Variants in PSMB3 observed in about 807,000 individuals in gnomAD.
The protein encoded by PSMB3 is proteasome 20S subunit beta 3.
Under a neutral mutation model 23.3 loss-of-function variants are expected in PSMB3, and 5 were observed. That is an observed-to-expected ratio of 0.21 (90% confidence interval 0.11 to 0.45). The LOEUF (loss-of-function observed/expected upper bound fraction) is 0.45, where lower values mean the gene tolerates loss of function less well. PSMB3 is among the 20% of genes least tolerant of loss of function. The probability of loss-of-function intolerance (pLI) is 0.99; values close to 1 mark genes in which losing one functional copy is unlikely to be tolerated. For synonymous variants in PSMB3, 85 were observed against 99.8 expected, an observed-to-expected ratio of 0.85 and a Z score of 0.88; for missense variants, 192 against 277.9, an observed-to-expected ratio of 0.69 and a Z score of 2.20.
intron 3 of PSMB3, among the ~76,000 whole-genome samples, chr17:38,758,118 T>C (rs1283460476): frequency 6.6e-6 from 1 of 152,232 alleles, no homozygotes; most frequent in East Asian, 1.9e-4. Context: ...GGTGCGTAGA[T>C]GGTATCTCTG....
rs1436720192 is a variant in PSMB3 at position 38,764,022 on chromosome 17, C to CAGGGCTTG, written c.570-88_570-81dup. 12 of 1,449,566 alleles carry CAGGGCTTG rather than the reference C, an allele frequency of 8.3e-6. 1 individual carries two copies. The Admixed American group carries it at 1.1e-4, about 13-fold the overall frequency. The allele number at this position is 1,449,566 out of a possible 1,614,324, so 89.8% of individuals were successfully genotyped here. On this transcript the variant is annotated intron_variant, in intron 5 of 5. Coordinates refer to ENST00000619426, the MANE Select transcript of PSMB3 (RefSeq NM_002795.4). ...AGCTATTTGTTCTGCTCCCTTGCCG[C>CAGGGCTTG]AGGGCTTGAGGGCTTGGTGCTGAGG...
Position 38,764,112 on chromosome 17 carries a change from T to G in PSMB3, c.570-7T>G, listed in dbSNP as rs1229935036. 6.2e-7 allele frequency: 1 copy of G among 1,614,168 alleles called. No homozygotes were observed. The highest frequency in any genetic ancestry group is 8.5e-7 in the Non-Finnish European group (1 of 1,180,010). ...AGATGTTTTCTTGTGATTTTCTCCCTCTGCAGCGAGAAGGACAAAATCACC... is the reference window on the plus strand; with the variant it reads ...AGATGTTTTCTTGTGATTTTCTCCCGCTGCAGCGAGAAGGACAAAATCACC... On this transcript the variant is annotated splice_polypyrimidine_tract_variant and splice_region_variant and intron_variant, in intron 5 of 5. Coordinates refer to ENST00000619426, the MANE Select transcript of PSMB3 (RefSeq NM_002795.4).
At chr17:38,763,006 C>T (rs1908506261) in intron 5 of PSMB3, among the ~76,000 whole-genome samples, 1 of 152,188 alleles carries the variant, frequency 6.6e-6, no homozygotes, top group Non-Finnish European at 1.5e-5. Context: ...AACCACTTTC[C>T]TACATTGCAG....
At position 38,764,111 on chromosome 17, in the gene PSMB3, C is replaced by T. The variant is rs1908577875; in HGVS notation, c.570-8C>T. 1 of 1,614,188 alleles carries T rather than the reference C, an allele frequency of 6.2e-7. No homozygotes were observed. The highest frequency in any genetic ancestry group is 8.5e-7 in the Non-Finnish European group (1 of 1,180,018). On this transcript the variant is annotated splice_polypyrimidine_tract_variant and splice_region_variant and intron_variant, in intron 5 of 5. Transcript: ENST00000619426. Reference sequence around the variant, plus strand: ...GAGATGTTTTCTTGTGATTTTCTCCCTCTGCAGCGAGAAGGACAAAATCAC... The same window carrying T: ...GAGATGTTTTCTTGTGATTTTCTCCTTCTGCAGCGAGAAGGACAAAATCAC...
At chr17:38,755,713 T>TGCGCGC (rs59619796) in intron 2 of PSMB3, among the ~76,000 whole-genome samples, 170 bp from the exon 3 acceptor site, 14 of 116,522 alleles carry the variant, frequency 1.2e-4, no homozygotes, top group African/African-American at 4.6e-4. Flanking sequence ...TGTGTGTGTG[T>TGCGCGC]GTGCTGCCAA....
intron 3 of PSMB3, among the ~76,000 whole-genome samples, chr17:38,758,031 G>T (rs1404788779): frequency 6.6e-6 from 1 of 152,094 alleles, no homozygotes; most frequent in Non-Finnish European, 1.5e-5. Context: ...ACAGCTCAGG[G>T]CCTGTGTTTG....
At chr17:38,763,298 T>G (rs1043282902) in intron 5 of PSMB3, among the ~76,000 whole-genome samples, 9 of 151,658 alleles carry the variant, frequency 5.9e-5, no homozygotes, top group Non-Finnish European at 1.0e-4. Context: ...AGGTTGCAGT[T>G]AGTCAAGATC....
intron 2 of PSMB3, among the ~76,000 whole-genome samples, chr17:38,754,030 C>T (rs1281099777): frequency 1.3e-5 from 2 of 152,058 alleles, no homozygotes; most frequent in African/African-American, 2.4e-5. Context: ...AGGAAAAGAA[C>T]GGTGATAGGT....
chr17:38,763,374 C>T (rs1908525619), intron 5 of PSMB3, among the ~76,000 whole-genome samples: 1 of 151,440 alleles, frequency 6.6e-6, no homozygotes, highest in Non-Finnish European at 1.5e-5. Flanking sequence ...AAAACAAAAA[C>T]AAAAAACCCA....
intron 3 of PSMB3, 46 bp from the exon 4 acceptor site, chr17:38,760,385 A>G: frequency 6.3e-7 from 1 of 1,595,002 alleles, no homozygotes; most frequent in Non-Finnish European, 8.6e-7. Flanking sequence ...CATGAAAGCG[A>G]GCGTTCTTGA....
At position 38,760,603 on chromosome 17, in the gene PSMB3, A is replaced by G; in HGVS notation, c.469A>G (p.Asn157Asp). Residue 157 changes from asparagine (N) to aspartate (D), a missense_variant, in exon 4 of 6, where the codon AAC (asparagine) becomes GAC (aspartate). Coordinates refer to ENST00000619426, the MANE Select transcript of PSMB3 (RefSeq NM_002795.4). ...YGMCESLWEP[N>D]MDPDHLFETI... ...AATGTGTGAGTCCCTCTGGGAGCCC[A>G]ACATGGTACGTTGGTGGCATGGAGA... 6.2e-7 allele frequency: 1 copy of G among 1,614,250 alleles called. No individual in the cohort carries two copies. Among genetic ancestry groups the G allele is most frequent in the East Asian group, 2.2e-5 (1 of 44,884 alleles).
At position 38,761,392 on chromosome 17, in the gene PSMB3, A is replaced by G. The variant is rs138071057; in HGVS notation, c.474+784A>G. Among the ~76,000 whole-genome samples the G allele has an allele frequency of 3.2e-3, 481 of 151,120 alleles. 3 individuals are homozygous for G. The highest frequency in any genetic ancestry group is 0.011 in the African/African-American group (468 of 41,028). ...GTGGTGCTGAGGAAAACAAATGAGT[A>G]TATGTGCTGCCGAAGCGAGCACAAA... On this transcript the variant is annotated intron_variant, in intron 4 of 5. Transcript: ENST00000619426.
intron 2 of PSMB3, among the ~76,000 whole-genome samples, chr17:38,755,679 T>TGG (rs1345889785): frequency 8.3e-6 from 1 of 120,334 alleles, no homozygotes; most frequent in Non-Finnish European, 1.7e-5. Flanking sequence ...TATATATATA[T>TGG]ATATGTGTGT....
At chr17:38,760,117 TGGTAGGACCTTGGGTGAGGAGAGG>T (rs1908371420) in intron 3 of PSMB3, among the ~76,000 whole-genome samples, 1 of 152,218 alleles carries the variant, frequency 6.6e-6, no homozygotes, top group Admixed American at 6.5e-5. Flanking sequence ...GACTGAGTGA[TGGTAGGACCTTGGGTGAGGAGAGG>T]GAGGATTAGA....
rs1377200061 is a variant in PSMB3, at chr17:38,755,676, A to ATGTGTGTGTGTG, written c.189-206_189-205insGTGTGTGTGTGT. On this transcript the variant is annotated intron_variant, in intron 2 of 5. Transcript: ENST00000619426. ...AAAAAAAAAATATATATATATATAT[A>ATGTGTGTGTGTG]TATATATGTGTGTGTGTGTGTGTGT... Among the ~76,000 whole-genome samples, 208 of 107,750 alleles carry ATGTGTGTGTGTG rather than the reference A, an allele frequency of 1.9e-3. 2 individuals are homozygous for ATGTGTGTGTGTG. The highest frequency in any genetic ancestry group is 5.4e-3 in the South Asian group (16 of 2,970). The allele number at this position is 107,750 out of a possible 152,430, so 70.7% of individuals were successfully genotyped here.
In PSMB3 at chr17:38,753,246, A is replaced by C; in HGVS notation, c.100A>C (p.Met34Leu). 1 of 1,614,072 alleles carries C rather than the reference A, an allele frequency of 6.2e-7. No individual in the cohort carries two copies. Among genetic ancestry groups the C allele is most frequent in the South Asian group, 1.1e-5 (1 of 91,080 alleles). The change falls in exon 2 of 6, where the codon ATG becomes CTG. Residue 34 changes from methionine to leucine, a missense_variant. Physicochemically the swap from Met to Leu is conservative, Grantham distance 15. Coordinates refer to ENST00000619426, the MANE Select transcript of PSMB3 (RefSeq NM_002795.4). Reference protein sequence around the residue: ...ADRRFGIQAQMVTTDFQKIFP... With the variant: ...ADRRFGIQAQLVTTDFQKIFP... ...CAGGCGCTTCGGGATCCAGGCCCAG[A>C]TGGTGACCACGGACTTCCAGAAGAT... is the stretch of plus-strand genomic sequence containing the variant.
intron 5 of PSMB3, among the ~76,000 whole-genome samples, chr17:38,763,497 CTTTTTTTT>C (rs67563765): frequency 2.6e-5 from 2 of 76,032 alleles, no homozygotes; most frequent in Non-Finnish European, 4.9e-5. Context: ...CTTCTTCCCC[CTTTTTTTT>C]TTTTTTTTTT....
intron 3 of PSMB3, among the ~76,000 whole-genome samples, chr17:38,756,415 C>T (rs984843896): frequency 2.0e-5 from 3 of 152,172 alleles, no homozygotes; most frequent in African/African-American, 7.2e-5. Context: ...GTGCAGAAAT[C>T]TAGGATGGAA....
At chr17:38,755,801 C>T (rs1908170485) in intron 2 of PSMB3, 82 bp from the exon 3 acceptor site, 4 of 1,166,616 alleles carry the variant, frequency 3.4e-6, no homozygotes, top group Non-Finnish European at 5.0e-6. Flanking sequence ...GAGATGTCTC[C>T]TTATGTTTCC....
Sources: gnomAD v4.1 joint callset for allele counts (sites outside exome capture counted in the v4.1 genomes callset) on GRCh38, gnomAD v4.1.1 for gene constraint, MANE v1.5 for transcripts, NCBI Gene and HGNC (gene_info 2026-07-23, HGNC 2026-07-21) for gene names.